The following KIAA1671 variants were observed in gnomAD, a reference collection of about 807,000 sequenced individuals.
The protein encoded by KIAA1671 is uncharacterized protein KIAA1671.
KIAA1671 carries 52 observed loss-of-function variants against 131.2 expected under a neutral mutation model. The ratio of observed to expected loss-of-function variants is 0.40; its 90% CI spans 0.32 to 0.50. KIAA1671 has a LOEUF of 0.50. Ranked by LOEUF, KIAA1671 falls within the 20% of genes least tolerant of loss-of-function variation. KIAA1671 has a pLI of 0.73. For synonymous variants in KIAA1671, 1,003 were observed against 961.6 expected (o/e 1.04, Z -0.80); for missense variants, 2,360 against 2,364.2 (o/e 1.00, Z 0.04).
chr22:24,996,656 G>A (rs1924155232), intron 1 of KIAA1671, among the ~76,000 whole-genome samples: 1 of 152,180 alleles, frequency 6.6e-6, no homozygotes, highest in Non-Finnish European at 1.5e-5. Flanking sequence ...ATCCCCTGGG[G>A]CACTCTGAAG....
In KIAA1671 at chr22:25,001,225, ATGTGTGTGTATATG is replaced by A. The variant is rs1232298003; in HGVS notation, c.-207-24398_-207-24385del. 5.3e-4 allele frequency among the ~76,000 whole-genome samples: 34 copies of A among 64,030 alleles called. No homozygotes were observed. The South Asian group carries it at 0.022, about 41-fold the overall frequency. The allele number at this position is 64,030 out of a possible 152,430, so 42.0% of individuals were successfully genotyped here. ...TATGTGTATGTATGTGTATATATGT[ATGTGTGTGTATATG>A]TGTGTGTGTGTGTATGTGTGTGTAT... On this transcript the variant is annotated intron_variant, in intron 1 of 12. Coordinates refer to ENST00000358431, the MANE Select transcript of KIAA1671 (RefSeq NM_001145206.2).
chr22:25,003,002 G>A (rs1924555866), intron 1 of KIAA1671, among the ~76,000 whole-genome samples: 1 of 152,118 alleles, frequency 6.6e-6, no homozygotes, highest in South Asian at 2.1e-4. Flanking sequence ...GAACTCCTGA[G>A]CTCAAAGTGA....
In KIAA1671 at chr22:24,998,667, A is replaced by G. The variant is rs1319882676; in HGVS notation, c.-207-26966A>G. ...CAGGAGGCGGAGCTTGCAGTGAGCC[A>G]AGATCGCGCCACTGGACTCCAGCCT... On this transcript the variant is annotated intron_variant, in intron 1 of 12. Coordinates refer to ENST00000358431, the MANE Select transcript of KIAA1671 (RefSeq NM_001145206.2). Among the ~76,000 whole-genome samples the G allele has an allele frequency of 5.3e-5, 8 of 150,664 alleles. No individual in the cohort carries two copies. In the East Asian group the frequency reaches 5.9e-4, roughly 11 times the overall value.
chr22:25,166,881 C>G (rs561920818), intron 6 of KIAA1671, among the ~76,000 whole-genome samples: 1 of 152,036 alleles, frequency 6.6e-6, no homozygotes, highest in African/African-American at 2.4e-5. Context: ...GCTTAGCATA[C>G]ACAGGCACAA....
At chr22:25,063,499 C>T (rs542650048) in intron 6 of KIAA1671, 15 of 152,112 alleles carry the variant, frequency 9.9e-5, no homozygotes, top group African/African-American at 3.1e-4. Context: ...TACAAGTGGG[C>T]GCTAAGCTAT....
intron 11 of KIAA1671, 143 bp from the exon 12 acceptor site, chr22:25,190,559 A>G (rs1934638527): frequency 3.2e-6 from 2 of 630,992 alleles, no homozygotes; most frequent in Non-Finnish European, 2.9e-6. Context: ...CAGTCCCGTT[A>G]ATATGGGCAT....
intron 6 of KIAA1671, chr22:25,052,103 G>T (rs1927564302): frequency 6.6e-6 from 1 of 152,578 alleles, no homozygotes; most frequent in African/African-American, 2.4e-5. Context: ...CTGTGCTTTT[G>T]GCCTATGGCC....
chr22:25,052,399 C>G (rs1371806796), intron 6 of KIAA1671: 2 of 152,184 alleles, frequency 1.3e-5, no homozygotes, highest in African/African-American at 4.8e-5. Flanking sequence ...AGTGAGTTTA[C>G]CACTCAGGGC....
At chr22:25,084,421 G>A (rs1929586051) in intron 6 of KIAA1671, among the ~76,000 whole-genome samples, 1 of 138,372 alleles carries the variant, frequency 7.2e-6, no homozygotes, top group African/African-American at 2.8e-5. Flanking sequence ...TTGCGCCAAA[G>A]CACTCCAGCC....
At chr22:25,105,983 A>G (rs1048989054) in intron 6 of KIAA1671, among the ~76,000 whole-genome samples, 6 of 152,188 alleles carry the variant, frequency 3.9e-5, no homozygotes, top group Non-Finnish European at 4.4e-5. Flanking sequence ...GGTGTAATAC[A>G]GTGATGCAAT....
intron 6 of KIAA1671, among the ~76,000 whole-genome samples, chr22:25,088,735 C>T (rs1929865242): frequency 6.6e-6 from 1 of 152,060 alleles, no homozygotes; most frequent in Non-Finnish European, 1.5e-5. Flanking sequence ...AATTGGTCTC[C>T]CTGCCATCAC....
Position 25,032,701 on chromosome 22 carries a change from G to C in KIAA1671, c.1629+5G>C. The C allele has an allele frequency of 6.5e-7, 1 of 1,533,502 alleles. No individual in the cohort carries two copies. The highest frequency in any genetic ancestry group is 8.8e-7 in the Non-Finnish European group (1 of 1,131,926). 95.0% of individuals were successfully genotyped at this position (1,533,502 alleles called of 1,614,324 possible). A position where few individuals can be genotyped will look rare whatever the true frequency, so the allele number is the denominator to read the frequency against. On this transcript the variant is annotated splice_donor_5th_base_variant and intron_variant, in intron 4 of 12. Transcript: ENST00000358431. The stretch of plus-strand genomic sequence containing the variant: ...CCTAAGGAACCGAGAGAAAAGGTAA[G>C]GAGTGGCTGTGTAGCACGTCTCTCA...
chr22:25,093,742 C>CTCTCTGTCTCTCTCTCTCTCTCTCTG (rs1930169024), intron 6 of KIAA1671, among the ~76,000 whole-genome samples: 2 of 118,480 alleles, frequency 1.7e-5, no homozygotes, highest in Non-Finnish European at 3.5e-5. Flanking sequence ...CACACACTCT[C>CTCTCTGTCTCTCTCTCTCTCTCTCTG]TCTCTCTCTC....
chr22:24,978,405 A>G (rs1048592676), intron 1 of KIAA1671, among the ~76,000 whole-genome samples: 1 of 152,012 alleles, frequency 6.6e-6, no homozygotes, highest in Non-Finnish European at 1.5e-5. Flanking sequence ...ATCCAATTAA[A>G]CCTCTTTTTC....
chr22:25,188,620 G>T (rs770869594), intron 11 of KIAA1671, among the ~76,000 whole-genome samples: 14 of 152,060 alleles, frequency 9.2e-5, no homozygotes, highest in Non-Finnish European at 1.5e-4. Flanking sequence ...TTGACCAGAA[G>T]CCTCACTCAT....
chr22:24,954,297 G>T (rs1473559099), intron 1 of KIAA1671, among the ~76,000 whole-genome samples: 1 of 152,044 alleles, frequency 6.6e-6, no homozygotes, highest in Non-Finnish European at 1.5e-5. Flanking sequence ...ATCCATCAAG[G>T]TTCCTGGACA....
rs886798066 is a variant in KIAA1671, at chr22:25,196,425, A to G, written c.*4024A>G. 1 of 151,812 alleles carries G rather than the reference A, an allele frequency of 6.6e-6. No homozygotes were observed. The highest frequency in any genetic ancestry group is 1.5e-5 in the Non-Finnish European group (1 of 67,976). The allele number at this position is 151,812 out of a possible 1,614,324, so 9.4% of individuals were successfully genotyped here. A position where few individuals can be genotyped will look rare whatever the true frequency, so the allele number is the denominator to read the frequency against. On this transcript the variant is annotated 3_prime_UTR_variant, in exon 13 of 13. Transcript: ENST00000358431. ...TACAAATTATGCTGTTTTCTAAAGA[A>G]TTTGAACTTTTTTTTTTTTCTTTTC...
intron 1 of KIAA1671, among the ~76,000 whole-genome samples, chr22:25,020,867 G>A (rs1925629861): frequency 6.6e-6 from 1 of 152,118 alleles, no homozygotes; most frequent in Non-Finnish European, 1.5e-5. Context: ...AATGAAGCTG[G>A]GGAGACGAAG....
intron 6 of KIAA1671, among the ~76,000 whole-genome samples, chr22:25,160,478 C>G (rs1393854042): frequency 1.3e-5 from 2 of 152,198 alleles, no homozygotes. Context: ...GCTCCCATCT[C>G]TGTCCTTGCT....
Sources: allele counts gnomAD v4.1 joint callset (sites outside exome capture counted in the v4.1 genomes callset), GRCh38; gene constraint gnomAD v4.1.1; transcripts MANE v1.5; gene names NCBI Gene and HGNC (gene_info 2026-07-23, HGNC 2026-07-21).